Variants in TRPS1 observed in about 807,000 individuals in gnomAD.
TRPS1 encodes transcriptional repressor GATA binding 1, also known as zinc finger transcription factor Trps1.
TRPS1 carries 6 observed loss-of-function variants against 101.2 expected under a neutral mutation model. That is an observed-to-expected ratio of 0.06 (90% CI 0.03 to 0.12). TRPS1 has a LOEUF of 0.12. TRPS1 is among the 10% of genes least tolerant of loss of function. The pLI is 1.00. For missense variants in TRPS1, 1,363 were observed against 1,567.0 expected (o/e 0.87, Z 2.20); for synonymous variants, 578 against 589.8 (o/e 0.98, Z 0.29).
intron 5 of TRPS1, among the ~76,000 whole-genome samples, chr8:115,486,275 G>A (rs545790173): frequency 5.9e-5 from 9 of 152,246 alleles, no homozygotes; most frequent in Middle Eastern, 3.4e-3. Flanking sequence ...ATAAGGTAGC[G>A]TACTTAATAA....
At chr8:115,577,581 C>A (rs914314142) in intron 5 of TRPS1, among the ~76,000 whole-genome samples, 2 of 151,766 alleles carry the variant, frequency 1.3e-5, no homozygotes, top group African/African-American at 2.4e-5. Flanking sequence ...TAATGGATAC[C>A]CCAAAAACCC....
chr8:115,569,873 A>AT (rs1817159112), intron 5 of TRPS1, among the ~76,000 whole-genome samples: 1 of 152,094 alleles, frequency 6.6e-6, no homozygotes, highest in Non-Finnish European at 1.5e-5. Context: ...AAGAAGACTG[A>AT]TTAAGTTCAA....
At chr8:115,632,485 A>G (rs1405457158) in intron 1 of TRPS1, among the ~76,000 whole-genome samples, 1 of 152,002 alleles carries the variant, frequency 6.6e-6, no homozygotes, top group East Asian at 1.9e-4. Context: ...TACACACACA[A>G]ACACACGTGC....
intron 5 of TRPS1, among the ~76,000 whole-genome samples, chr8:115,449,513 T>C (rs565467840): frequency 1.6e-4 from 25 of 152,148 alleles, no homozygotes; most frequent in Admixed American, 1.6e-3. Flanking sequence ...AATCTCTCAT[T>C]GCAAACAAAT....
intron 5 of TRPS1, among the ~76,000 whole-genome samples, chr8:115,498,972 T>C (rs1815235784): frequency 6.6e-6 from 1 of 152,168 alleles, no homozygotes; most frequent in African/African-American, 2.4e-5. Context: ...AATCTGCTTA[T>C]TAAATCTTTT....
chr8:115,571,930 T>C (rs146744728), intron 5 of TRPS1, among the ~76,000 whole-genome samples: 3 of 152,148 alleles, frequency 2.0e-5, no homozygotes, highest in Admixed American at 6.5e-5. Context: ...TATATCTGAA[T>C]AAACGCTATT....
chr8:115,495,942 A>C (rs2130121678), intron 5 of TRPS1, among the ~76,000 whole-genome samples: 1 of 152,266 alleles, frequency 6.6e-6, no homozygotes, highest in Middle Eastern at 3.4e-3. Flanking sequence ...GGAGTCCCTT[A>C]GTCTTCTTCC....
intron 4 of TRPS1, among the ~76,000 whole-genome samples, chr8:115,598,953 C>T (rs1172163538): frequency 1.3e-5 from 2 of 152,156 alleles, no homozygotes; most frequent in East Asian, 1.9e-4. Context: ...TATTCCTATA[C>T]ATCATCCTGC....
rs1408525896 is a variant in TRPS1 at position 115,410,318 on chromosome 8, A to G, written c.*3705T>C. Reference sequence around the variant, plus strand: ...AGATTATGTGCACATGTGCAATTATAAACATAATGTGCTACCACAGGCTTC... The same window carrying G: ...AGATTATGTGCACATGTGCAATTATGAACATAATGTGCTACCACAGGCTTC... On this transcript the variant is annotated 3_prime_UTR_variant, in exon 7 of 7. Transcript: ENST00000395715. 6.6e-6 allele frequency: 1 copy of G among 152,524 alleles called. No homozygotes were observed. The highest frequency in any genetic ancestry group is 1.5e-5 in the Non-Finnish European group (1 of 68,002). The allele number at this position is 152,524 out of a possible 1,614,324, so 9.4% of individuals were successfully genotyped here. A position where few individuals can be genotyped will look rare whatever the true frequency, so the allele number is the denominator to read the frequency against.
At chr8:115,624,131 T>C (rs1818455476) in intron 1 of TRPS1, among the ~76,000 whole-genome samples, 1 of 117,954 alleles carries the variant, frequency 8.5e-6, no homozygotes. Context: ...CTTAAAGCAA[T>C]TAAAATACGT....
intron 5 of TRPS1, among the ~76,000 whole-genome samples, chr8:115,445,113 T>A (rs1213395507): frequency 6.6e-6 from 1 of 152,148 alleles, no homozygotes; most frequent in African/African-American, 2.4e-5. Flanking sequence ...CAAACTAGTT[T>A]ATTCTAAGTT....
intron 4 of TRPS1, among the ~76,000 whole-genome samples, chr8:115,590,570 G>C (rs1817657890): frequency 6.6e-6 from 1 of 152,154 alleles, no homozygotes. Flanking sequence ...CAAAATTCTT[G>C]TGGACCACAA....
chr8:115,647,478 T>A (rs1340835004), intron 1 of TRPS1, among the ~76,000 whole-genome samples: 2 of 152,160 alleles, frequency 1.3e-5, no homozygotes, highest in African/African-American at 2.4e-5. Context: ...CTTATATACA[T>A]ATATAGCCTT....
chr8:115,478,316 G>C (rs1814656918), intron 5 of TRPS1, among the ~76,000 whole-genome samples: 1 of 152,098 alleles, frequency 6.6e-6, no homozygotes, highest in Non-Finnish European at 1.5e-5. Context: ...TTTTTGAGCT[G>C]TATTGACTCA....
chr8:115,511,336 T>C (rs1042577819), intron 5 of TRPS1: 1 of 151,984 alleles, frequency 6.6e-6, no homozygotes, highest in African/African-American at 2.4e-5. Context: ...GAATGATATG[T>C]GTGCATTGTA....
At chr8:115,560,643 A>G (rs1816924200) in intron 5 of TRPS1, among the ~76,000 whole-genome samples, 2 of 152,154 alleles carry the variant, frequency 1.3e-5, no homozygotes, top group South Asian at 4.1e-4. Flanking sequence ...TACAAAGTTT[A>G]CTTTTATCAA....
intron 5 of TRPS1, among the ~76,000 whole-genome samples, chr8:115,578,146 G>C (rs1223077876): frequency 6.6e-6 from 1 of 152,090 alleles, no homozygotes; most frequent in Admixed American, 6.6e-5. Context: ...TATCGGACAT[G>C]TACTGTATTC....
At chr8:115,549,535 G>A (rs1020067350) in intron 5 of TRPS1, among the ~76,000 whole-genome samples, 1 of 151,954 alleles carries the variant, frequency 6.6e-6, no homozygotes, top group Non-Finnish European at 1.5e-5. Context: ...AGTAGAAAAG[G>A]GATTCCCCTG....
chr8:115,596,854 G>A (rs1483540227), intron 4 of TRPS1, among the ~76,000 whole-genome samples: 1 of 151,666 alleles, frequency 6.6e-6, no homozygotes, highest in Non-Finnish European at 1.5e-5. Context: ...AATTTGTATA[G>A]TTTTATCTTT....
Sources: allele counts gnomAD v4.1 joint callset (sites outside exome capture counted in the v4.1 genomes callset), GRCh38; gene constraint gnomAD v4.1.1; transcripts MANE v1.5; gene names NCBI Gene and HGNC (gene_info 2026-07-23, HGNC 2026-07-21).